The following FBLN7 variants were observed in gnomAD, a reference collection of about 807,000 sequenced individuals.
FBLN7 encodes fibulin 7.
Under a neutral mutation model 44.0 loss-of-function variants are expected in FBLN7, and 31 were observed. The ratio of observed to expected loss-of-function variants is 0.70; its 90% CI spans 0.53 to 0.95. The LOEUF (loss-of-function observed/expected upper bound fraction) is 0.95, where lower values mean the gene tolerates loss of function less well. FBLN7 is among the 40% of genes least tolerant of loss of function. The probability of loss-of-function intolerance (pLI) is 0.00; values close to 1 mark genes in which losing one functional copy is unlikely to be tolerated. For synonymous variants in FBLN7, 262 were observed against 253.4 expected (o/e 1.03, Z -0.32); for missense variants, 573 against 618.5 (o/e 0.93, Z 0.78).
chr2:112,160,332 T>G (rs1301114291), intron 2 of FBLN7, among the ~76,000 whole-genome samples: 2 of 152,004 alleles, frequency 1.3e-5, no homozygotes, highest in African/African-American at 4.8e-5. Context: ...GCAGTGGGGG[T>G]GGGGGGAGCA....
At chr2:112,234,202 C>G in the FBLN7 span, 7 of 1,609,164 alleles carry the variant, frequency 4.4e-6, no homozygotes, top group Non-Finnish European at 5.9e-6. Context: ...GAATGCCTGA[C>G]TCAAATGCTG....
At chr2:112,165,292 C>A (rs1191450449) in intron 3 of FBLN7, 121 bp downstream of exon 3, 8 of 1,247,726 alleles carry the variant, frequency 6.4e-6, no homozygotes, top group Non-Finnish European at 8.7e-6. Flanking sequence ...ATTCCTCAAC[C>A]ACAGAACAGC....
chr2:112,154,576 C>G (rs1334977158), intron 1 of FBLN7, among the ~76,000 whole-genome samples: 1 of 152,162 alleles, frequency 6.6e-6, no homozygotes, highest in Non-Finnish European at 1.5e-5. Flanking sequence ...CTGTTGGGAC[C>G]TGGAACCCTG....
downstream of FBLN7, chr2:112,188,954 G>A (rs987840237): frequency 6.6e-6 from 1 of 152,236 alleles, no homozygotes; most frequent in African/African-American, 2.4e-5. Flanking sequence ...TGGGCCAGAA[G>A]CCTGCACACC....
intron 2 of FBLN7, among the ~76,000 whole-genome samples, chr2:112,160,706 ACACACACAAGCACG>A (rs1478874686): frequency 4.5e-5 from 2 of 44,192 alleles, no homozygotes; most frequent in African/African-American, 2.1e-4. Flanking sequence ...ACACGCACGC[ACACACACAAGCACG>A]CGCACACGCA....
the FBLN7 span, chr2:112,215,381 G>A: frequency 6.6e-6 from 1 of 152,106 alleles, no homozygotes; most frequent in East Asian, 1.9e-4. Context: ...TGCTTCTAAG[G>A]GCCTAGGATT....
At chr2:112,171,786 A>G (rs1682475282) in intron 3 of FBLN7, among the ~76,000 whole-genome samples, 1 of 152,176 alleles carries the variant, frequency 6.6e-6, no homozygotes. Flanking sequence ...CCTAAGGGCT[A>G]TTCTAGGCTT....
the FBLN7 span, among the ~76,000 whole-genome samples, chr2:112,193,562 T>C: frequency 1.3e-5 from 2 of 152,258 alleles, no homozygotes; most frequent in Non-Finnish European, 2.9e-5. Context: ...AAATAGTTGC[T>C]CTACGTTTTA....
the FBLN7 span, among the ~76,000 whole-genome samples, chr2:112,227,355 T>A: frequency 2.6e-5 from 4 of 152,154 alleles, no homozygotes; most frequent in Non-Finnish European, 4.4e-5. Flanking sequence ...TGAAACCCCA[T>A]CTCTACTAAA....
chr2:112,201,344 T>A, the FBLN7 span, among the ~76,000 whole-genome samples: 891 of 152,258 alleles, frequency 5.9e-3, 1 homozygote, highest in Non-Finnish European at 9.8e-3. Context: ...TTGTCACAGG[T>A]CCTTGCCAAG....
At chr2:112,227,085 A>G in the FBLN7 span, among the ~76,000 whole-genome samples, 2 of 152,336 alleles carry the variant, frequency 1.3e-5, no homozygotes, top group African/African-American at 4.8e-5. Flanking sequence ...AGCTAAAATC[A>G]TATGTATTGG....
At chr2:112,230,924 AC>A in the FBLN7 span, 26 of 1,280,330 alleles carry the variant, frequency 2.0e-5, no homozygotes, top group African/African-American at 4.7e-5. Flanking sequence ...TATTTTATTT[AC>A]ATGACTTCTT....
rs897840795 is a variant in FBLN7 at position 112,161,443 on chromosome 2, C to T, written c.235+1608C>T. On this transcript the variant is annotated intron_variant, in intron 2 of 7. Transcript: ENST00000331203. The stretch of plus-strand genomic sequence containing the variant: ...CACACTTTCCAAGGCACTGTGAGGC[C>T]CAAGCCCTCACTGGGGCTCCACACA... 2.0e-5 allele frequency among the ~76,000 whole-genome samples: 3 copies of T among 152,142 alleles called. No homozygotes were observed. The East Asian group carries it at 5.8e-4, about 29-fold the overall frequency.
rs553308462 is a variant in FBLN7, at chr2:112,170,774, C to T, written c.407-4940C>T. On this transcript the variant is annotated intron_variant, in intron 3 of 7. Transcript: ENST00000331203. ...CAATAAACAGGGTTAAGACAAGTGT[C>T]GCTGCTGCATAGAGAATGCATTGGA... Among the ~76,000 whole-genome samples, 14 of 152,276 alleles carry T rather than the reference C, an allele frequency of 9.2e-5. No individual in the cohort carries two copies. In the East Asian group the frequency reaches 9.6e-4, roughly 10 times the overall value.
chr2:112,193,932 T>G, the FBLN7 span, among the ~76,000 whole-genome samples: 3 of 152,264 alleles, frequency 2.0e-5, no homozygotes, highest in African/African-American at 7.2e-5. Context: ...TTTTGTGTTC[T>G]GCTTATTGCT....
intron 2 of FBLN7, among the ~76,000 whole-genome samples, chr2:112,160,710 A>ACG (rs1681742523): frequency 6.7e-6 from 1 of 148,276 alleles, no homozygotes; most frequent in East Asian, 2.0e-4. Context: ...GCACGCACAC[A>ACG]CACAAGCACG....
At chr2:112,140,367 G>A (rs1241645142) in intron 1 of FBLN7, among the ~76,000 whole-genome samples, 9 of 152,168 alleles carry the variant, frequency 5.9e-5, no homozygotes, top group Non-Finnish European at 8.8e-5. Context: ...TGTCCCGCGC[G>A]CAGGGGAGGC....
downstream of FBLN7, chr2:112,190,079 G>A (rs754657567): frequency 6.6e-6 from 1 of 152,096 alleles, no homozygotes; most frequent in Non-Finnish European, 1.5e-5. Context: ...ACAAAATATA[G>A]GGTCATTTAT....
chr2:112,232,733 C>T, the FBLN7 span, among the ~76,000 whole-genome samples: 1 of 151,968 alleles, frequency 6.6e-6, no homozygotes, highest in Admixed American at 6.6e-5. Context: ...ATATTGAATG[C>T]CTGAAGAAAA....
Sources: gnomAD v4.1 joint callset for allele counts (sites outside exome capture counted in the v4.1 genomes callset) on GRCh38, gnomAD v4.1.1 for gene constraint, MANE v1.5 for transcripts, NCBI Gene and HGNC (gene_info 2026-07-23, HGNC 2026-07-21) for gene names.